PXDNL: variants seen among roughly 807,000 people sequenced by gnomAD.
The protein encoded by PXDNL is probable oxidoreductase PXDNL.
A neutral mutation model predicts 150.8 loss-of-function variants in PXDNL; 145 were observed. The observed-to-expected ratio is 0.96, with a 90% CI of 0.84 to 1.10. The LOEUF is 1.10. Ranked by LOEUF, PXDNL falls within the 50% of genes least tolerant of loss-of-function variation. The probability of loss-of-function intolerance (pLI) is 0.00; values close to 1 mark genes in which losing one functional copy is unlikely to be tolerated. For synonymous variants in PXDNL, 757 were observed against 725.7 expected (o/e 1.04, Z -0.69); for missense variants, 2,087 against 1,873.9 (o/e 1.11, Z -2.10).
intron 5 of PXDNL, among the ~76,000 whole-genome samples, chr8:51,494,770 A>T (rs1426023839): frequency 6.6e-6 from 1 of 152,016 alleles, no homozygotes; most frequent in Non-Finnish European, 1.5e-5. Context: ...GAGCACCCAG[A>T]TTCATAAAGC....
At chr8:51,483,450 A>C (rs1810649516) in intron 6 of PXDNL, among the ~76,000 whole-genome samples, 193 bp downstream of exon 6, 1 of 152,228 alleles carries the variant, frequency 6.6e-6, no homozygotes, top group Non-Finnish European at 1.5e-5. Context: ...CTTCTAAGAG[A>C]ATACATGAAA....
At chr8:51,630,391 A>G (rs1200724070) in intron 2 of PXDNL, among the ~76,000 whole-genome samples, 1 of 152,096 alleles carries the variant, frequency 6.6e-6, no homozygotes, top group African/African-American at 2.4e-5. Flanking sequence ...ATTTTATGAC[A>G]AAGATGCCAA....
At chr8:51,329,713 T>C (rs1167189182) in intron 21 of PXDNL, among the ~76,000 whole-genome samples, 1 of 152,122 alleles carries the variant, frequency 6.6e-6, no homozygotes, top group African/African-American at 2.4e-5. Flanking sequence ...TAAAAGAAAA[T>C]GTTAGAAATC....
At chr8:51,406,026 G>A (rs551700979) in intron 17 of PXDNL, among the ~76,000 whole-genome samples, 6 of 152,330 alleles carry the variant, frequency 3.9e-5, no homozygotes, top group Admixed American at 3.9e-4. Context: ...CCGTCTGAAA[G>A]GCCACTCATA....
chr8:51,679,584 C>A lies in PXDNL; in HGVS notation c.165-24824G>T, dbSNP rs139375089. 1.1e-4 allele frequency among the ~76,000 whole-genome samples: 17 copies of A among 152,256 alleles called. No homozygotes were observed. In the East Asian group the frequency reaches 3.3e-3, roughly 29 times the overall value. On this transcript the variant is annotated intron_variant, in intron 1 of 22. Coordinates refer to ENST00000356297, the MANE Select transcript of PXDNL (RefSeq NM_144651.5). The stretch of plus-strand genomic sequence containing the variant: ...CTATTAGTAGTAGTATGACTTTATG[C>A]CCATCCTTGGATCTACATGCATCCT...
intron 19 of PXDNL, among the ~76,000 whole-genome samples, chr8:51,370,768 T>G (rs1807082956): frequency 6.6e-6 from 1 of 152,220 alleles, no homozygotes; most frequent in South Asian, 2.1e-4. Flanking sequence ...GGCTAATTTT[T>G]GTATTTTTAG....
chr8:51,439,151 G>T (rs192411143), intron 12 of PXDNL, among the ~76,000 whole-genome samples: 289 of 152,210 alleles, frequency 1.9e-3, no homozygotes, highest in Non-Finnish European at 3.6e-3. Context: ...CCACAGAATA[G>T]AAGAAAATCT....
intron 4 of PXDNL, among the ~76,000 whole-genome samples, chr8:51,548,691 A>T (rs1032437747): frequency 6.6e-6 from 1 of 152,160 alleles, no homozygotes; most frequent in Non-Finnish European, 1.5e-5. Flanking sequence ...AACTCTTGAA[A>T]CAAACCCTCA....
chr8:51,677,570 C>T (rs1815651529), intron 1 of PXDNL, among the ~76,000 whole-genome samples: 1 of 152,126 alleles, frequency 6.6e-6, no homozygotes, highest in African/African-American at 2.4e-5. Context: ...ATAGAACTGA[C>T]AGCTCCTGTA....
rs182900546 is a variant in PXDNL at position 51,406,087 on chromosome 8, C to G, written c.3557+1980G>C. On this transcript the variant is annotated intron_variant, in intron 17 of 22. Transcript: ENST00000356297. Reference sequence around the variant, plus strand: ...GACAGTGGCCGACAGTGGAGGCTAACACAGCTAACACTAGAACCACATGAT... The same window carrying G: ...GACAGTGGCCGACAGTGGAGGCTAAGACAGCTAACACTAGAACCACATGAT... Among the ~76,000 whole-genome samples the G allele has an allele frequency of 2.2e-3, 338 of 152,320 alleles. 3 individuals carry two copies. The highest frequency in any genetic ancestry group is 5.0e-3 in the South Asian group (24 of 4,824).
chr8:51,534,419 C>T (rs1369810671), intron 4 of PXDNL, among the ~76,000 whole-genome samples: 21 of 138,042 alleles, frequency 1.5e-4, no homozygotes, highest in Admixed American at 6.2e-4. Context: ...TCTGCCCGGC[C>T]GCCCCTACTG....
chr8:51,491,730 G>A (rs966285177), intron 5 of PXDNL, among the ~76,000 whole-genome samples: 12 of 152,244 alleles, frequency 7.9e-5, no homozygotes, highest in Admixed American at 1.3e-4. Flanking sequence ...TTGGCTACAC[G>A]ACAAAAATAC....
chr8:51,627,894 A>G (rs1260889817), intron 2 of PXDNL, among the ~76,000 whole-genome samples: 2 of 152,198 alleles, frequency 1.3e-5, no homozygotes, highest in Non-Finnish European at 2.9e-5. Context: ...CCTACCTAAA[A>G]GACTGAGACA....
chr8:51,452,935 A>ACACACACACACACACACACACACACAC (rs1809839333), intron 10 of PXDNL, among the ~76,000 whole-genome samples: 1 of 142,566 alleles, frequency 7.0e-6, no homozygotes, highest in African/African-American at 2.7e-5. Context: ...CACACACACA[A>ACACACACACACACACACACACACACAC]ACACACACAC....
chr8:51,533,658 T>G (rs374405103), intron 4 of PXDNL, among the ~76,000 whole-genome samples: 11,450 of 149,146 alleles, frequency 0.077, 677 homozygotes, highest in East Asian at 0.22. Flanking sequence ...TGGTTTTCGT[T>G]TTTTTTTTGG....
At chr8:51,355,616 C>A (rs1211936166) in intron 19 of PXDNL, among the ~76,000 whole-genome samples, 1 of 152,146 alleles carries the variant, frequency 6.6e-6, no homozygotes, top group Non-Finnish European at 1.5e-5. Context: ...AAATCATTTT[C>A]TGTTCTATAT....
At chr8:51,800,054 C>T (rs1402723802) in intron 1 of PXDNL, among the ~76,000 whole-genome samples, 32 of 152,140 alleles carry the variant, frequency 2.1e-4, no homozygotes, top group Admixed American at 1.9e-3. Context: ...TAGTCATCAA[C>T]ACAGGTGAGG....
At chr8:51,469,993 A>G (rs1045286637) in intron 8 of PXDNL, among the ~76,000 whole-genome samples, 2 of 151,902 alleles carry the variant, frequency 1.3e-5, no homozygotes, top group African/African-American at 4.8e-5. Flanking sequence ...TTTAGTCACT[A>G]TATTTGAAAC....
At chr8:51,531,141 A>G (rs1000113443) in intron 4 of PXDNL, among the ~76,000 whole-genome samples, 6 of 152,248 alleles carry the variant, frequency 3.9e-5, no homozygotes, top group Admixed American at 3.9e-4. Flanking sequence ...CCAGGTCTAC[A>G]GGCAGAAAAA....
Sources: gnomAD v4.1 joint callset for allele counts (sites outside exome capture counted in the v4.1 genomes callset) on GRCh38, gnomAD v4.1.1 for gene constraint, MANE v1.5 for transcripts, NCBI Gene and HGNC (gene_info 2026-07-23, HGNC 2026-07-21) for gene names.